TIAM1: variants seen among roughly 807,000 people sequenced by gnomAD.
TIAM1 encodes rho guanine nucleotide exchange factor TIAM1.
Under a neutral mutation model 163.5 loss-of-function variants are expected in TIAM1, and 65 were observed. The ratio of observed to expected loss-of-function variants is 0.40; its 90% CI spans 0.33 to 0.49. The LOEUF is 0.49. TIAM1 is among the 20% of genes least tolerant of loss of function. The probability of loss-of-function intolerance (pLI) is 0.77; values close to 1 mark genes in which losing one functional copy is unlikely to be tolerated. For missense variants in TIAM1, 1,789 were observed against 2,044.7 expected (o/e 0.87, Z 2.41); for synonymous variants, 833 against 810.1 (o/e 1.03, Z -0.48).
At chr21:31,210,337 G>GGGGAACAGCCCA in intron 10 of TIAM1, 122 bp from the exon 11 acceptor site, 1 of 1,007,338 alleles carries the variant, frequency 9.9e-7, no homozygotes, top group Non-Finnish European at 1.5e-6. Context: ...AGCGGAGGCA[G>GGGGAACAGCCCA]TGGTGGGAGG....
intron 9 of TIAM1, among the ~76,000 whole-genome samples, chr21:31,215,567 A>AG (rs2087140761): frequency 7.1e-6 from 1 of 141,582 alleles, no homozygotes; most frequent in African/African-American, 2.7e-5. Flanking sequence ...GTCTCAAAAA[A>AG]GAAAAAAAAA....
chr21:31,305,670 C>G (rs2074680984), intron 2 of TIAM1, among the ~76,000 whole-genome samples: 1 of 152,188 alleles, frequency 6.6e-6, no homozygotes, highest in African/African-American at 2.4e-5. Context: ...GACTGAACCC[C>G]TCCTGAGTCT....
intron 3 of TIAM1, among the ~76,000 whole-genome samples, chr21:31,271,507 C>G (rs982132418): frequency 1.2e-4 from 19 of 152,290 alleles, no homozygotes; most frequent in African/African-American, 4.6e-4. Context: ...TCATCCTGAT[C>G]CATGAACTTA....
intron 6 of TIAM1, among the ~76,000 whole-genome samples, chr21:31,239,889 T>G (rs187489084): frequency 3.3e-5 from 5 of 152,324 alleles, no homozygotes; most frequent in Admixed American, 3.3e-4. Context: ...AATGAGAGTA[T>G]AAATTACATT....
chr21:31,556,383 G>T (rs766304868), intron 1 of TIAM1, among the ~76,000 whole-genome samples: 2 of 152,178 alleles, frequency 1.3e-5, no homozygotes, highest in Non-Finnish European at 2.9e-5. Flanking sequence ...AATCCTGAGG[G>T]CTTCTCCAAC....
rs139284393 is a variant in TIAM1, at chr21:31,264,255, G to A, written c.963+1755C>T. ...CAATGAACACAGTACCCAATAATTC[G>A]TTTTTCAACTCTTGCTCCCCTCCCT... On this transcript the variant is annotated intron_variant, in intron 4 of 27. Transcript: ENST00000541036. Among the ~76,000 whole-genome samples, 9 of 152,148 alleles carry A rather than the reference G, an allele frequency of 5.9e-5. No individual in the cohort carries two copies. In the East Asian group the frequency reaches 1.7e-3, roughly 29 times the overall value.
intron 2 of TIAM1, among the ~76,000 whole-genome samples, chr21:31,443,181 C>T (rs980558650): frequency 2.0e-5 from 3 of 152,114 alleles, no homozygotes; most frequent in East Asian, 3.8e-4. Context: ...ACAAAAGTGC[C>T]CAACATGGGA....
At chr21:31,467,869 C>T (rs1602352035) in intron 1 of TIAM1, among the ~76,000 whole-genome samples, 2 of 150,824 alleles carry the variant, frequency 1.3e-5, no homozygotes, top group Non-Finnish European at 1.5e-5. Flanking sequence ...GGGGGGATCA[C>T]GAGGTCAGGA....
rs1300392353 is a variant in TIAM1, at chr21:31,187,009, G to A, written c.2654C>T (p.Ser885Phe). The change falls in exon 14 of 28, where the codon TCC (serine) becomes TTC (phenylalanine). Residue 885 changes from serine to phenylalanine, a missense_variant. This residue lies in a region of TIAM1 where 456 missense variants were observed against 586.6 expected (regional missense o/e 0.78). Coordinates refer to ENST00000541036, the MANE Select transcript of TIAM1 (RefSeq NM_001353694.2). ...VNSVKETGLA[S>F]KKGLKAGDEI... ...CTCCTTCACTGACTTACCTTTCTTG[G>A]AAGCTAAACCGGTTTCCTTCACACT... 1 of 1,613,880 alleles carries A rather than the reference G, an allele frequency of 6.2e-7. No individual in the cohort carries two copies. Among genetic ancestry groups the A allele is most frequent in the Non-Finnish European group, 8.5e-7 (1 of 1,179,974 alleles).
At chr21:31,263,590 G>A (rs535552306) in intron 4 of TIAM1, among the ~76,000 whole-genome samples, 8 of 152,086 alleles carry the variant, frequency 5.3e-5, no homozygotes, top group Non-Finnish European at 8.8e-5. Context: ...GGGGGTAGCC[G>A]TAACTCAAAG....
At chr21:31,379,886 C>A (rs977087159) in intron 2 of TIAM1, among the ~76,000 whole-genome samples, 2 of 152,116 alleles carry the variant, frequency 1.3e-5, no homozygotes, top group African/African-American at 4.8e-5. Flanking sequence ...GAGGGAAATA[C>A]GGATGGCTGG....
At chr21:31,275,126 TAA>T (rs199540397) in intron 3 of TIAM1, among the ~76,000 whole-genome samples, 43 of 135,854 alleles carry the variant, frequency 3.2e-4, no homozygotes, top group Non-Finnish European at 2.9e-4. Context: ...TGTCTCAAGT[TAA>T]AAAAAAAAAA....
chr21:31,368,260 G>A (rs1198864755), intron 2 of TIAM1, among the ~76,000 whole-genome samples: 1 of 151,686 alleles, frequency 6.6e-6, no homozygotes, highest in Admixed American at 6.6e-5. Context: ...TTCTTAAAAG[G>A]CTCCTCAGGG....
intron 2 of TIAM1, among the ~76,000 whole-genome samples, chr21:31,389,647 A>G (rs2076936323): frequency 6.6e-6 from 1 of 152,232 alleles, no homozygotes; most frequent in Non-Finnish European, 1.5e-5. Flanking sequence ...ATTCATTTGA[A>G]CAGACTGGTC....
intron 1 of TIAM1, among the ~76,000 whole-genome samples, chr21:31,501,537 A>G (rs899992192): frequency 2.6e-5 from 4 of 152,160 alleles, no homozygotes; most frequent in African/African-American, 9.7e-5. Context: ...TGTTCTCTCA[A>G]GACAAAACTG....
In TIAM1 at chr21:31,266,352, G is replaced by A. The variant is rs149098891; in HGVS notation, c.621C>T (p.Asp207=). 262 of 1,614,244 alleles carry A rather than the reference G, an allele frequency of 1.6e-4. No homozygotes were observed. Among genetic ancestry groups the A allele is most frequent in the Admixed American group, 7.2e-4 (43 of 60,034 alleles). ...EEILGSAEEK[D]CEEARGMETR... ...TTTCCATCCCCCGAGCCTCCTCGCAGTCCTTCTCTTCGGCGGAACCCAAGA... is the reference window on the plus strand; with the variant it reads ...TTTCCATCCCCCGAGCCTCCTCGCAATCCTTCTCTTCGGCGGAACCCAAGA... The change falls in exon 4 of 28, where the codon GAC becomes GAT. Residue 207 remains aspartate (D), a synonymous_variant. Transcript: ENST00000541036.
chr21:31,553,883 C>A (rs1239816390), intron 1 of TIAM1, among the ~76,000 whole-genome samples: 1 of 152,130 alleles, frequency 6.6e-6, no homozygotes, highest in Non-Finnish European at 1.5e-5. Context: ...CTTCCCCTAG[C>A]GAAGAGGATT....
At chr21:31,150,467 A>G (rs1303726816) in intron 19 of TIAM1, among the ~76,000 whole-genome samples, 2 of 152,150 alleles carry the variant, frequency 1.3e-5, no homozygotes, top group African/African-American at 4.8e-5. Flanking sequence ...AAAGAAATTG[A>G]GTGGAAAAAG....
chr21:31,363,781 T>TA lies in TIAM1; in HGVS notation c.-368-24360dup, dbSNP rs558274509. On this transcript the variant is annotated intron_variant, in intron 2 of 28. Transcript: ENST00000286827. ...TTTGCTAGCATCCAGATTACAATCT[T>TA]AGAGTTCTTCCAGAAGAAAGCTCTC... Among the ~76,000 whole-genome samples, 218 of 152,268 alleles carry TA rather than the reference T, an allele frequency of 1.4e-3. 1 individual carries two copies. Among genetic ancestry groups the TA allele is most frequent in the Non-Finnish European group, 1.9e-3 (132 of 68,028 alleles).
Sources: allele counts gnomAD v4.1 joint callset (sites outside exome capture counted in the v4.1 genomes callset), GRCh38; gene constraint gnomAD v4.1.1; regional missense constraint gnomAD v4.1.1; transcripts MANE v1.5; gene names NCBI Gene and HGNC (gene_info 2026-07-23, HGNC 2026-07-21).